The following ANKS1B variants were observed in gnomAD, a reference collection of about 807,000 sequenced individuals.
ANKS1B encodes ankyrin repeat and sterile alpha motif domain containing 1B, also known as ankyrin repeat and sterile alpha motif domain-containing protein 1B.
Under a neutral mutation model 148.3 loss-of-function variants are expected in ANKS1B, and 36 were observed. That is an observed-to-expected ratio of 0.24 (90% CI 0.19 to 0.32). The LOEUF (loss-of-function observed/expected upper bound fraction) is 0.32. Ranked by LOEUF, ANKS1B falls within the 10% of genes least tolerant of loss-of-function variation. The pLI is 1.00. For missense variants in ANKS1B, 1,157 were observed against 1,542.6 expected, an observed-to-expected ratio of 0.75 and a Z score of 4.19; for synonymous variants, 542 against 560.8, an observed-to-expected ratio of 0.97 and a Z score of 0.47.
At chr12:99,461,635 T>C (rs543747874) in intron 10 of ANKS1B, among the ~76,000 whole-genome samples, 5 of 152,302 alleles carry the variant, frequency 3.3e-5, no homozygotes, top group African/African-American at 1.2e-4. Flanking sequence ...TTCTTTTTAC[T>C]CTCTTTTATT....
At position 99,459,017 on chromosome 12, in the gene ANKS1B, A is replaced by G. The variant is rs561082137; in HGVS notation, c.1439-15208T>C. On this transcript the variant is annotated intron_variant, in intron 10 of 26. Transcript: ENST00000683438. ...CATAGATACAAAAATCCTAAACAAAATATTACTTAACTGAATCCTACAGCA... is the reference window on the plus strand; with the variant it reads ...CATAGATACAAAAATCCTAAACAAAGTATTACTTAACTGAATCCTACAGCA... 1.6e-4 allele frequency among the ~76,000 whole-genome samples: 25 copies of G among 152,276 alleles called. No individual in the cohort carries two copies. In the South Asian group the frequency reaches 2.3e-3, roughly 14 times the overall value.
intron 19 of ANKS1B, among the ~76,000 whole-genome samples, chr12:98,820,212 A>G (rs114772): frequency 0.84 from 127,256 of 152,272 alleles, 53,291 homozygotes; most frequent in East Asian, 1. Flanking sequence ...TGTGGTTCAC[A>G]CGACAGCTGT....
intron 12 of ANKS1B, among the ~76,000 whole-genome samples, chr12:99,382,647 G>A (rs868520648): frequency 6.9e-6 from 1 of 144,680 alleles, no homozygotes; most frequent in Non-Finnish European, 1.5e-5. Context: ...GCAGTGACCT[G>A]AGATCATACC....
chr12:99,442,544 A>G (rs1381853249), intron 11 of ANKS1B, among the ~76,000 whole-genome samples: 1 of 151,924 alleles, frequency 6.6e-6, no homozygotes, highest in Non-Finnish European at 1.5e-5. Context: ...TCAGTTGGAC[A>G]ATGTAGCCCC....
At chr12:98,968,793 G>A (rs1425023770) in intron 17 of ANKS1B, among the ~76,000 whole-genome samples, 1 of 151,988 alleles carries the variant, frequency 6.6e-6, no homozygotes, top group Non-Finnish European at 1.5e-5. Context: ...AGGGAGGGAG[G>A]GAGGGTAACC....
At chr12:99,064,042 C>G (rs951878916) in intron 16 of ANKS1B, among the ~76,000 whole-genome samples, 1 of 152,184 alleles carries the variant, frequency 6.6e-6, no homozygotes, top group Non-Finnish European at 1.5e-5. Flanking sequence ...GTGGTAACCC[C>G]TCTATTATTT....
intron 17 of ANKS1B, among the ~76,000 whole-genome samples, chr12:98,846,025 C>CATACAT (rs2099463608): frequency 2.0e-5 from 3 of 149,974 alleles, no homozygotes; most frequent in East Asian, 2.0e-4. Flanking sequence ...CACATACACA[C>CATACAT]ATATATATAT....
rs140467751 is a variant in ANKS1B, at chr12:99,540,658, G to A, written c.1273-36017C>T. Among the ~76,000 whole-genome samples the A allele has an allele frequency of 2.0e-3, 298 of 152,118 alleles. 8 individuals carry two copies. The East Asian group carries it at 0.051, about 26-fold the overall frequency. On this transcript the variant is annotated intron_variant, in intron 9 of 26. Coordinates refer to ENST00000683438, the MANE Select transcript of ANKS1B (RefSeq NM_001352186.2). ...AACATACCAAAGCTTATGGAATGCC[G>A]CAGTGCTTAGAGAGAAATTTATAGC...
At chr12:99,393,626 C>T (rs2094149006) in intron 12 of ANKS1B, among the ~76,000 whole-genome samples, 1 of 152,190 alleles carries the variant, frequency 6.6e-6, no homozygotes, top group African/African-American at 2.4e-5. Context: ...GAGGCTAACT[C>T]AGCTGCTCAG....
At chr12:99,561,006 C>T (rs2097330739) in intron 9 of ANKS1B, among the ~76,000 whole-genome samples, 1 of 151,862 alleles carries the variant, frequency 6.6e-6, no homozygotes, top group South Asian at 2.1e-4. Context: ...GCCACCATGC[C>T]CAGCTAATTT....
chr12:99,820,940 C>G (rs548507067), intron 2 of ANKS1B, among the ~76,000 whole-genome samples: 1 of 152,016 alleles, frequency 6.6e-6, no homozygotes, highest in East Asian at 1.9e-4. Flanking sequence ...CATTGTTTCT[C>G]CATCTATAAA....
chr12:99,468,495 A>T (rs1386631849), intron 10 of ANKS1B, among the ~76,000 whole-genome samples: 2 of 152,226 alleles, frequency 1.3e-5, no homozygotes, highest in Non-Finnish European at 2.9e-5. Flanking sequence ...CATCAGAGTG[A>T]ACAGGCAACC....
chr12:99,625,912 C>T (rs927634847), intron 9 of ANKS1B, among the ~76,000 whole-genome samples: 2 of 151,972 alleles, frequency 1.3e-5, no homozygotes, highest in Admixed American at 6.6e-5. Context: ...AGGATTAGTC[C>T]AGAAAGTCTC....
chr12:99,523,061 C>T (rs76551167), intron 9 of ANKS1B, among the ~76,000 whole-genome samples: 1,836 of 152,278 alleles, frequency 0.012, 48 homozygotes, highest in African/African-American at 0.042. Flanking sequence ...GGCCTAGAGG[C>T]TTTTCTAGAC....
intron 10 of ANKS1B, among the ~76,000 whole-genome samples, chr12:99,473,637 A>T (rs2096274596): frequency 6.6e-6 from 1 of 152,040 alleles, no homozygotes; most frequent in Non-Finnish European, 1.5e-5. Context: ...AGTAGATGGA[A>T]ATACAACTGG....
intron 1 of ANKS1B, among the ~76,000 whole-genome samples, chr12:99,974,525 T>TA (rs1316262470): frequency 6.6e-6 from 1 of 152,142 alleles, no homozygotes; most frequent in Admixed American, 6.5e-5. Context: ...ACCAGCCATA[T>TA]ACTCTCTCAT....
chr12:98,789,792 C>T (rs930768893), intron 22 of ANKS1B, among the ~76,000 whole-genome samples: 1 of 152,092 alleles, frequency 6.6e-6, no homozygotes, highest in Non-Finnish European at 1.5e-5. Context: ...TGTAACCAAC[C>T]ACCACAAATG....
intron 8 of ANKS1B, among the ~76,000 whole-genome samples, chr12:99,673,034 A>G (rs2098545775): frequency 6.6e-6 from 1 of 152,142 alleles, no homozygotes; most frequent in Non-Finnish European, 1.5e-5. Flanking sequence ...ATTCACCAAA[A>G]TCCATACCCT....
intron 8 of ANKS1B, among the ~76,000 whole-genome samples, chr12:99,700,667 G>A (rs2054660888): frequency 6.6e-6 from 1 of 152,014 alleles, no homozygotes; most frequent in South Asian, 2.1e-4. Context: ...TATCCCAATT[G>A]CCAGCATCAT....
Sources: gnomAD v4.1 joint callset for allele counts (sites outside exome capture counted in the v4.1 genomes callset) on GRCh38, gnomAD v4.1.1 for gene constraint, MANE v1.5 for transcripts, NCBI Gene and HGNC (gene_info 2026-07-23, HGNC 2026-07-21) for gene names.